DYNC1I2: variants seen among roughly 807,000 people sequenced by gnomAD.
DYNC1I2 encodes the protein cytoplasmic dynein 1 intermediate chain 2.
DYNC1I2 carries 53 observed loss-of-function variants against 88.6 expected under a neutral mutation model. That is an observed-to-expected ratio of 0.60 (90% CI 0.48 to 0.75). The LOEUF (loss-of-function observed/expected upper bound fraction) is 0.75. Ranked by LOEUF, DYNC1I2 falls within the 30% of genes least tolerant of loss-of-function variation. DYNC1I2 has a pLI of 0.00. For missense variants in DYNC1I2, 458 were observed against 766.6 expected, an observed-to-expected ratio of 0.60 and a Z score of 4.75; for synonymous variants, 198 against 254.6, an observed-to-expected ratio of 0.78 and a Z score of 2.12.
In DYNC1I2 at chr2:171,727,974, A is replaced by G. The variant is rs1385526409; in HGVS notation, c.1143+7A>G. The G allele has an allele frequency of 6.2e-7, 1 of 1,611,206 alleles. No homozygotes were observed. Among genetic ancestry groups the G allele is most frequent in the African/African-American group, 1.3e-5 (1 of 74,836 alleles). On this transcript the variant is annotated splice_region_variant and intron_variant, in intron 12 of 17. Coordinates refer to ENST00000397119, the MANE Select transcript of DYNC1I2 (RefSeq NM_001378.3). ...GTCAGCAGCTGCACACACAGTAAGT[A>G]AATAAGGTTATTTCCATTAGGCTTC...
chr2:171,740,237 G>A (rs748418047), intron 15 of DYNC1I2, among the ~76,000 whole-genome samples: 6 of 152,070 alleles, frequency 3.9e-5, no homozygotes, highest in Non-Finnish European at 7.4e-5. Context: ...AAATGATTTG[G>A]TTATCCACCA....
At chr2:171,696,069 A>G (rs1478769614) in intron 3 of DYNC1I2, among the ~76,000 whole-genome samples, 1 of 152,182 alleles carries the variant, frequency 6.6e-6, no homozygotes, top group Non-Finnish European at 1.5e-5. Context: ...CTTCTGATGT[A>G]TAGGCATTCT....
At chr2:171,701,647 G>A (rs1200327633) in intron 3 of DYNC1I2, among the ~76,000 whole-genome samples, 1 of 152,142 alleles carries the variant, frequency 6.6e-6, no homozygotes, top group Non-Finnish European at 1.5e-5. Flanking sequence ...AAATAAAAAT[G>A]TCCCTAGTGA....
intron 3 of DYNC1I2, among the ~76,000 whole-genome samples, chr2:171,696,873 T>G (rs1685807252): frequency 6.6e-6 from 1 of 152,162 alleles, no homozygotes; most frequent in South Asian, 2.1e-4. Flanking sequence ...CCTTTGTTCC[T>G]TTTACAAAAT....
At chr2:171,693,973 A>AT (rs1044858405) in intron 3 of DYNC1I2, among the ~76,000 whole-genome samples, 26 of 144,872 alleles carry the variant, frequency 1.8e-4, no homozygotes, top group Admixed American at 4.8e-4. Flanking sequence ...CTCCTATAGG[A>AT]TTTTTTTTCT....
Position 171,711,616 on chromosome 2 carries a change from A to C in DYNC1I2, c.336-1151A>C, listed in dbSNP as rs148219977. On this transcript the variant is annotated intron_variant, in intron 5 of 17. Coordinates refer to ENST00000397119, the MANE Select transcript of DYNC1I2 (RefSeq NM_001378.3). ...CTATTCATTGCTTAGTACAAAGTAG[A>C]TCTTCACTGTGGCTGCTTCTTACAT... Among the ~76,000 whole-genome samples, 48 of 152,316 alleles carry C rather than the reference A, an allele frequency of 3.2e-4. No homozygotes were observed. In the East Asian group the frequency reaches 9.3e-3, roughly 29 times the overall value.
intron 5 of DYNC1I2, chr2:171,712,455 CT>C (rs1016411398): frequency 1.3e-4 from 30 of 235,948 alleles, no homozygotes; most frequent in African/African-American, 6.3e-4. Context: ...GGTTGTCTGA[CT>C]TTAGTTGTTC....
intron 15 of DYNC1I2, among the ~76,000 whole-genome samples, chr2:171,731,059 GC>G (rs1217704252): frequency 2.0e-5 from 3 of 152,190 alleles, no homozygotes; most frequent in Non-Finnish European, 4.4e-5. Context: ...GGAAACAGAT[GC>G]TTAACACAGT....
Position 171,692,766 on chromosome 2 carries a change from A to T in DYNC1I2, c.109-11A>T, listed in dbSNP as rs1300306463. The T allele has an allele frequency of 4.5e-6, 7 of 1,570,784 alleles. No homozygotes were observed. Among genetic ancestry groups the T allele is most frequent in the Non-Finnish European group, 6.0e-6 (7 of 1,162,028 alleles). On this transcript the variant is annotated splice_polypyrimidine_tract_variant and intron_variant, in intron 2 of 17. Coordinates refer to ENST00000397119, the MANE Select transcript of DYNC1I2 (RefSeq NM_001378.3). Reference sequence around the variant, plus strand: ...ATATGTAAACATAAGTTTTTAACCTAAACATTTTAGACAGACCAGAAGAAG... The same window carrying T: ...ATATGTAAACATAAGTTTTTAACCTTAACATTTTAGACAGACCAGAAGAAG...
chr2:171,719,375 GA>G (rs917023139), intron 7 of DYNC1I2, among the ~76,000 whole-genome samples: 1 of 152,174 alleles, frequency 6.6e-6, no homozygotes, highest in South Asian at 2.1e-4. Flanking sequence ...GAAGGAAAGA[GA>G]AAAACCTTGA....
At chr2:171,701,688 A>C (rs908722485) in intron 3 of DYNC1I2, among the ~76,000 whole-genome samples, 1 of 152,200 alleles carries the variant, frequency 6.6e-6, no homozygotes, top group African/African-American at 2.4e-5. Context: ...GTTTTGAAGA[A>C]CATTTTATAT....
At position 171,748,925 on chromosome 2, in the gene DYNC1I2, G is replaced by GA. The variant is rs1288100099; in HGVS notation, c.*1038dup. ...TCTAAGAATCAGTATTGAAATCAGTGAATTTCAGGAATAGAGGAAAGGACT... is the reference window on the plus strand; with the variant it reads ...TCTAAGAATCAGTATTGAAATCAGTGAAATTTCAGGAATAGAGGAAAGGACT... On this transcript the variant is annotated 3_prime_UTR_variant, in exon 18 of 18. Coordinates refer to ENST00000397119, the MANE Select transcript of DYNC1I2 (RefSeq NM_001378.3). 2.0e-5 allele frequency among the ~76,000 whole-genome samples: 3 copies of GA among 152,134 alleles called. No homozygotes were observed. The highest frequency in any genetic ancestry group is 7.2e-5 in the African/African-American group (3 of 41,434).
chr2:171,702,012 A>G (rs184085952), intron 3 of DYNC1I2, among the ~76,000 whole-genome samples: 1 of 152,332 alleles, frequency 6.6e-6, no homozygotes, highest in Admixed American at 6.5e-5. Flanking sequence ...TTGAAAAACA[A>G]GCCAAATGTC....
chr2:171,722,060 G>T (rs2105654428), intron 7 of DYNC1I2, among the ~76,000 whole-genome samples: 1 of 152,166 alleles, frequency 6.6e-6, no homozygotes, highest in South Asian at 2.1e-4. Context: ...TAAATGTACT[G>T]TGAGGTACAG....
At chr2:171,705,416 C>T (rs1163037410) in intron 3 of DYNC1I2, among the ~76,000 whole-genome samples, 1 of 152,004 alleles carries the variant, frequency 6.6e-6, no homozygotes, top group Non-Finnish European at 1.5e-5. Context: ...AATTTTCCTC[C>T]AACCTCTGAT....
At chr2:171,688,283 CAA>C (rs1685120986) in intron 1 of DYNC1I2, 1 of 152,176 alleles carries the variant, frequency 6.6e-6, no homozygotes, top group Non-Finnish European at 1.5e-5. Context: ...GGTTCTAGCA[CAA>C]AACTCTAGAG....
chr2:171,707,045 A>T, intron 4 of DYNC1I2: 1 of 599,842 alleles, frequency 1.7e-6, no homozygotes, highest in East Asian at 2.9e-5. Flanking sequence ...TTTTTAAAAA[A>T]ATTATAAAGC....
chr2:171,717,569 A>G (rs556072472), intron 7 of DYNC1I2, among the ~76,000 whole-genome samples: 73 of 152,316 alleles, frequency 4.8e-4, no homozygotes, highest in African/African-American at 1.7e-3. Context: ...TTGAGACACA[A>G]GCAACTTTTT....
At chr2:171,732,741 A>G (rs933004622) in intron 15 of DYNC1I2, among the ~76,000 whole-genome samples, 2 of 152,248 alleles carry the variant, frequency 1.3e-5, no homozygotes, top group African/African-American at 2.4e-5. Context: ...TCATACAGCC[A>G]TGTAAGTTGC....
Sources: allele counts gnomAD v4.1 joint callset (sites outside exome capture counted in the v4.1 genomes callset), GRCh38; gene constraint gnomAD v4.1.1; transcripts MANE v1.5; gene names NCBI Gene and HGNC (gene_info 2026-07-23, HGNC 2026-07-21).